Variants in DPY19L1 observed in about 807,000 individuals in gnomAD.
DPY19L1 encodes the protein dpy-19 like C-mannosyltransferase 1.
In DPY19L1, 35 loss-of-function variants were observed where a neutral mutation model predicts 96.9. That is an observed-to-expected ratio of 0.36 (90% CI 0.28 to 0.48). The LOEUF is 0.48. DPY19L1 is among the 20% of genes least tolerant of loss of function. The pLI, the probability that DPY19L1 is intolerant of heterozygous loss-of-function variation, is 0.99. For missense variants in DPY19L1, 521 were observed against 777.9 expected (o/e 0.67, Z 3.93); for synonymous variants, 205 against 252.6 (o/e 0.81, Z 1.79).
chr7:34,948,535 A>C (rs1357166692), intron 14 of DPY19L1, among the ~76,000 whole-genome samples: 1 of 152,200 alleles, frequency 6.6e-6, no homozygotes, highest in Non-Finnish European at 1.5e-5. Flanking sequence ...GGTATGCTGG[A>C]AACAGTTTTG....
chr7:34,975,324 G>A (rs952014909), intron 7 of DPY19L1, among the ~76,000 whole-genome samples: 3 of 152,194 alleles, frequency 2.0e-5, no homozygotes, highest in Admixed American at 1.3e-4. Context: ...CAGTTTTAAT[G>A]TTCTGGATGG....
At chr7:35,009,211 C>A (rs1187804169) in intron 6 of DPY19L1, among the ~76,000 whole-genome samples, 1 of 152,156 alleles carries the variant, frequency 6.6e-6, no homozygotes, top group Non-Finnish European at 1.5e-5. Context: ...CTCAACACAT[C>A]TTTGAGGTAC....
At chr7:35,033,556 T>C (rs897934881) in intron 1 of DPY19L1, among the ~76,000 whole-genome samples, 12 of 152,216 alleles carry the variant, frequency 7.9e-5, no homozygotes, top group African/African-American at 2.4e-4. Flanking sequence ...AAAGCATTTA[T>C]TATTCCCATT....
intron 19 of DPY19L1, among the ~76,000 whole-genome samples, 191 bp downstream of exon 19, chr7:34,939,962 A>G (rs956054656): frequency 2.0e-5 from 3 of 152,204 alleles, no homozygotes; most frequent in Admixed American, 1.3e-4. Flanking sequence ...GAACATATGT[A>G]TAACATTTCC....
chr7:34,970,591 G>A (rs1341051531), intron 8 of DPY19L1, among the ~76,000 whole-genome samples: 2 of 152,098 alleles, frequency 1.3e-5, no homozygotes, highest in East Asian at 1.9e-4. Context: ...ATAGATCATA[G>A]TCCAAAAGTT....
intron 18 of DPY19L1, among the ~76,000 whole-genome samples, chr7:34,941,179 C>T (rs1784005255): frequency 6.6e-6 from 1 of 152,092 alleles, no homozygotes; most frequent in Non-Finnish European, 1.5e-5. Context: ...TCTGCTACGT[C>T]TAAGGGAGGT....
In DPY19L1 at chr7:34,930,596, G is replaced by T. The variant is rs1235219110; in HGVS notation, c.*977C>A. 6.6e-6 allele frequency: 1 copy of T among 152,034 alleles called. No homozygotes were observed. Among genetic ancestry groups the T allele is most frequent in the Non-Finnish European group, 1.5e-5 (1 of 68,006 alleles). The allele number at this position is 152,034 out of a possible 1,614,324, so 9.4% of individuals were successfully genotyped here. On this transcript the variant is annotated 3_prime_UTR_variant, in exon 22 of 22. Coordinates refer to ENST00000638088, the MANE Select transcript of DPY19L1 (RefSeq NM_001366673.1). ...TTAATAGTAAAAGAAAAATTACCAT[G>T]TACTACAGTCTACTGTTCCACTATA...
At chr7:34,970,266 A>T (rs940384412) in intron 8 of DPY19L1, among the ~76,000 whole-genome samples, 10 of 152,154 alleles carry the variant, frequency 6.6e-5, no homozygotes, top group Non-Finnish European at 1.5e-4. Context: ...AGATAAACCT[A>T]CCTGGAGCAT....
rs577677476 is a variant in DPY19L1 at position 34,944,098 on chromosome 7, C to CT, written c.1545-1460dup. Among the ~76,000 whole-genome samples, 696 of 152,202 alleles carry CT rather than the reference C, an allele frequency of 4.6e-3. 9 individuals are homozygous for CT. The highest frequency in any genetic ancestry group is 0.015 in the African/African-American group (639 of 41,532). The stretch of plus-strand genomic sequence containing the variant: ...TAAAATATAGGGCCAGGCGCAGTGG[C>CT]TCATGCCTATAATCCCAGCACTTTG... On this transcript the variant is annotated intron_variant, in intron 16 of 21. Coordinates refer to ENST00000638088, the MANE Select transcript of DPY19L1 (RefSeq NM_001366673.1).
Position 34,966,991 on chromosome 7 carries a change from T to C in DPY19L1, c.1015-20A>G. 1 of 1,497,160 alleles carries C rather than the reference T, an allele frequency of 6.7e-7. No homozygotes were observed. Among genetic ancestry groups the C allele is most frequent in the Admixed American group, 2.5e-5 (1 of 40,764 alleles). The allele number at this position is 1,497,160 out of a possible 1,614,324, so 92.7% of individuals were successfully genotyped here. A position where few individuals can be genotyped will look rare whatever the true frequency, so the allele number is the denominator to read the frequency against. Reference sequence around the variant, plus strand: ...TGCAATCTGAAATTTAAAAAGAAATTAGAAGTAAAAAAGATAAAATGAATA... The same window carrying C: ...TGCAATCTGAAATTTAAAAAGAAATCAGAAGTAAAAAAGATAAAATGAATA... On this transcript the variant is annotated intron_variant, in intron 9 of 21. Transcript: ENST00000638088.
chr7:34,948,930 G>A (rs1320484635), intron 14 of DPY19L1, among the ~76,000 whole-genome samples: 1 of 152,176 alleles, frequency 6.6e-6, no homozygotes, highest in Non-Finnish European at 1.5e-5. Flanking sequence ...TTTCCTGTGT[G>A]GTGCCCTCTC....
chr7:35,036,223 A>G (rs1264951209), intron 1 of DPY19L1, among the ~76,000 whole-genome samples: 1 of 152,210 alleles, frequency 6.6e-6, no homozygotes, highest in African/African-American at 2.4e-5. Flanking sequence ...ATAAATCAAC[A>G]GTAATTAAAT....
Position 34,966,942 on chromosome 7 carries a change from G to A in DPY19L1, c.1044C>T (p.Val348=), listed in dbSNP as rs570731992. 11 of 1,538,656 alleles carry A rather than the reference G, an allele frequency of 7.1e-6. No individual in the cohort carries two copies. Among genetic ancestry groups the A allele is most frequent in the South Asian group, 2.5e-5 (2 of 80,180 alleles). ...GTAATTTACATATATCAATGTACCCGACAACATATACTGCAAATAATGATG... is the reference window on the plus strand; with the variant it reads ...GTAATTTACATATATCAATGTACCCAACAACATATACTGCAAATAATGATG... ...QIASLFAVYV[V]GYIDICKLRK... is the part of the protein sequence containing the mutation. Residue 348 remains valine, a synonymous_variant, in exon 10 of 22, where the codon GTC becomes GTT. Transcript: ENST00000638088.
chr7:34,963,564 C>A (rs1373886368), intron 10 of DPY19L1, among the ~76,000 whole-genome samples: 7 of 152,202 alleles, frequency 4.6e-5, no homozygotes, highest in Non-Finnish European at 7.3e-5. Context: ...AGCTGAAACA[C>A]AGAAGTAACC....
rs184661104 is a variant in DPY19L1 at position 35,014,013 on chromosome 7, G to C, written c.412-308C>G. Among the ~76,000 whole-genome samples, 87 of 152,204 alleles carry C rather than the reference G, an allele frequency of 5.7e-4. No individual in the cohort carries two copies. In the East Asian group the frequency reaches 0.015, roughly 27 times the overall value. ...ATTACTTATACTAATATCACTCTTA[G>C]AAAATGCTATCTTATGAATAGAGTG... On this transcript the variant is annotated intron_variant, in intron 3 of 21. Coordinates refer to ENST00000638088, the MANE Select transcript of DPY19L1 (RefSeq NM_001366673.1).
At chr7:34,952,338 AC>A (rs1784285610) in intron 13 of DPY19L1, among the ~76,000 whole-genome samples, 2 of 152,094 alleles carry the variant, frequency 1.3e-5, no homozygotes, top group Non-Finnish European at 2.9e-5. Context: ...AGAACATAAA[AC>A]TACCAAAGTT....
rs532044397 is a variant in DPY19L1 at position 34,940,038 on chromosome 7, TAGAA to T, written c.1864+111_1864+114del. 1.2e-5 allele frequency: 11 copies of T among 927,666 alleles called. No homozygotes were observed. In the South Asian group the frequency reaches 2.1e-4, roughly 18 times the overall value. The allele number at this position is 927,666 out of a possible 1,614,324, so 57.5% of individuals were successfully genotyped here. ...TAGATATTCTAAAAGCAACATTGCA[TAGAA>T]AGAGTGAGATCAGTGGAAGTAACTA... On this transcript the variant is annotated intron_variant, in intron 19 of 21. Coordinates refer to ENST00000638088, the MANE Select transcript of DPY19L1 (RefSeq NM_001366673.1).
intron 1 of DPY19L1, among the ~76,000 whole-genome samples, chr7:35,024,787 C>A (rs188840670): frequency 6.6e-6 from 1 of 152,212 alleles, no homozygotes; most frequent in Non-Finnish European, 1.5e-5. Context: ...TATAATACCA[C>A]GATTACAGCA....
chr7:34,932,865 T>C (rs1172895295), intron 21 of DPY19L1, among the ~76,000 whole-genome samples: 1 of 152,226 alleles, frequency 6.6e-6, no homozygotes, highest in Non-Finnish European at 1.5e-5. Flanking sequence ...CATCCCTTTT[T>C]ATTTTTAAAT....
Sources: gnomAD v4.1 joint callset for allele counts (sites outside exome capture counted in the v4.1 genomes callset) on GRCh38, gnomAD v4.1.1 for gene constraint, MANE v1.5 for transcripts, NCBI Gene and HGNC (gene_info 2026-07-23, HGNC 2026-07-21) for gene names.